DLGAP2: variants seen among roughly 807,000 people sequenced by gnomAD.
DLGAP2 encodes the protein disks large-associated protein 2.
In DLGAP2, 26 loss-of-function variants were observed where a neutral mutation model predicts 100.3. The observed-to-expected ratio is 0.26, with a 90% CI of 0.19 to 0.36. The LOEUF is 0.36. Among genes scored for constraint, DLGAP2 ranks in the 10% least tolerant of loss-of-function variants. The pLI is 1.00. For synonymous variants in DLGAP2, 886 were observed against 630.1 expected, an observed-to-expected ratio of 1.41 and a Z score of -6.08; for missense variants, 1,858 against 1,453.2, an observed-to-expected ratio of 1.28 and a Z score of -4.53.
intron 3 of DLGAP2, chr8:1,369,947 G>C (rs762058303): frequency 6.6e-6 from 1 of 152,238 alleles, no homozygotes; most frequent in Non-Finnish European, 1.5e-5. Context: ...TGCAGAGAAC[G>C]TATGAGCCCT....
chr8:1,059,963 G>C (rs892521536), intron 2 of DLGAP2, among the ~76,000 whole-genome samples: 1 of 152,222 alleles, frequency 6.6e-6, no homozygotes, highest in African/African-American at 2.4e-5. Context: ...GTGGGCTCCA[G>C]AGGGCCAGAA....
intron 1 of DLGAP2, among the ~76,000 whole-genome samples, chr8:864,588 T>C (rs1301430765): frequency 1.3e-5 from 2 of 152,196 alleles, no homozygotes; most frequent in Non-Finnish European, 2.9e-5. Context: ...TACTTCCACA[T>C]GATACGATAT....
chr8:882,020 C>G (rs1797809799), intron 1 of DLGAP2, among the ~76,000 whole-genome samples: 2 of 152,178 alleles, frequency 1.3e-5, no homozygotes, highest in Admixed American at 1.3e-4. Context: ...TAAGTGCTCA[C>G]CTGTGTCCTG....
intron 1 of DLGAP2, among the ~76,000 whole-genome samples, chr8:853,326 C>T (rs1359370173): frequency 6.6e-6 from 1 of 152,198 alleles, no homozygotes; most frequent in Non-Finnish European, 1.5e-5. Flanking sequence ...CTTGGTTCTG[C>T]CAGTATCAAG....
chr8:914,259 C>T (rs1299305799), intron 2 of DLGAP2, among the ~76,000 whole-genome samples: 3 of 152,208 alleles, frequency 2.0e-5, no homozygotes, highest in Non-Finnish European at 4.4e-5. Context: ...GGAGCCTCCC[C>T]CGTGACCCGC....
At chr8:900,735 G>A (rs974553697) in intron 1 of DLGAP2, among the ~76,000 whole-genome samples, 5 of 152,168 alleles carry the variant, frequency 3.3e-5, no homozygotes, top group African/African-American at 1.2e-4. Flanking sequence ...ATTCCGGGGA[G>A]GTTAACAGCA....
chr8:1,380,225 G>T (rs1010253724), intron 3 of DLGAP2: 1 of 152,200 alleles, frequency 6.6e-6, no homozygotes, highest in African/African-American at 2.4e-5. Flanking sequence ...CAGCACTTCA[G>T]GCAGCAAAGC....
chr8:1,428,858 A>C (rs893722774), intron 3 of DLGAP2, among the ~76,000 whole-genome samples: 25 of 152,110 alleles, frequency 1.6e-4, no homozygotes, highest in Admixed American at 1.3e-4. Flanking sequence ...CCAGCTGCTC[A>C]CTCACCAGCT....
intron 1 of DLGAP2, among the ~76,000 whole-genome samples, chr8:752,137 G>A (rs1448790461): frequency 6.6e-6 from 1 of 152,194 alleles, no homozygotes; most frequent in Non-Finnish European, 1.5e-5. Flanking sequence ...TGGGTTGCCT[G>A]CACCCCCTTC....
At position 1,051,399 on chromosome 8, in the gene DLGAP2, T is replaced by C. The variant is rs917732025; in HGVS notation, c.73+143433T>C. 5.3e-5 allele frequency among the ~76,000 whole-genome samples: 8 copies of C among 152,166 alleles called. No individual in the cohort carries two copies. The East Asian group carries it at 1.5e-3, about 29-fold the overall frequency. On this transcript the variant is annotated intron_variant, in intron 2 of 14. Coordinates refer to ENST00000637795, the MANE Select transcript of DLGAP2 (RefSeq NM_001346810.2). ...TCAGATGCAGAATGATCCAATACCG[T>C]CAGCTGTTTACCCTCAGATGCAAAA...
intron 3 of DLGAP2, among the ~76,000 whole-genome samples, chr8:1,296,806 C>T (rs1800188959): frequency 6.6e-6 from 1 of 152,156 alleles, no homozygotes; most frequent in Non-Finnish European, 1.5e-5. Context: ...GGTGGGTGCA[C>T]AGCCGCACCG....
chr8:792,854 T>G (rs1259284000), intron 1 of DLGAP2, among the ~76,000 whole-genome samples: 2 of 152,236 alleles, frequency 1.3e-5, no homozygotes, highest in Non-Finnish European at 2.9e-5. Flanking sequence ...TACTTGCTTC[T>G]ATTTATTGAA....
chr8:1,670,055 T>C (rs1259965544), intron 10 of DLGAP2, among the ~76,000 whole-genome samples: 1 of 150,698 alleles, frequency 6.6e-6, no homozygotes, highest in Non-Finnish European at 1.5e-5. Flanking sequence ...GTCTCCAGGG[T>C]CACGTCTGCA....
chr8:1,245,314 T>C (rs1798880491), intron 2 of DLGAP2, among the ~76,000 whole-genome samples: 1 of 152,182 alleles, frequency 6.6e-6, no homozygotes, highest in Non-Finnish European at 1.5e-5. Context: ...GCATTATTCA[T>C]GATACTCAAA....
intron 6 of DLGAP2, among the ~76,000 whole-genome samples, chr8:1,592,658 C>T (rs937360121): frequency 5.3e-5 from 8 of 152,098 alleles, no homozygotes; most frequent in Admixed American, 1.3e-4. Flanking sequence ...GAGAATTCTC[C>T]GTGTGTCATT....
intron 2 of DLGAP2, among the ~76,000 whole-genome samples, chr8:977,916 T>C (rs188339139): frequency 1.3e-5 from 1 of 77,308 alleles, no homozygotes; most frequent in Non-Finnish European, 2.7e-5. Flanking sequence ...GGCTGCGTTC[T>C]GGTCTTTGGT....
chr8:1,686,043 C>G (rs769244229), intron 12 of DLGAP2, among the ~76,000 whole-genome samples: 1 of 152,176 alleles, frequency 6.6e-6, no homozygotes, highest in East Asian at 1.9e-4. Flanking sequence ...ATAGAACCAC[C>G]ATGTGATCCA....
At chr8:1,519,047 A>G (rs1332597367) in intron 4 of DLGAP2, among the ~76,000 whole-genome samples, 1 of 152,164 alleles carries the variant, frequency 6.6e-6, no homozygotes, top group Admixed American at 6.5e-5. Flanking sequence ...CGAGCCACAG[A>G]TAGGAGCCTG....
intron 2 of DLGAP2, among the ~76,000 whole-genome samples, chr8:985,342 C>T (rs1261996373): frequency 6.6e-6 from 1 of 152,222 alleles, no homozygotes; most frequent in Non-Finnish European, 1.5e-5. Flanking sequence ...AGAGTCAGAT[C>T]TAATGCTGTG....
Sources: allele counts gnomAD v4.1 joint callset (sites outside exome capture counted in the v4.1 genomes callset), GRCh38; gene constraint gnomAD v4.1.1; transcripts MANE v1.5; gene names NCBI Gene and HGNC (gene_info 2026-07-23, HGNC 2026-07-21).